Variants in TNFRSF19 observed in about 807,000 individuals in gnomAD.
TNFRSF19 encodes the protein tumor necrosis factor receptor superfamily member 19.
TNFRSF19 carries 27 observed loss-of-function variants against 46.4 expected under a neutral mutation model. The observed-to-expected ratio is 0.58, with a 90% confidence interval of 0.43 to 0.80. The LOEUF is 0.80. Among genes scored for constraint, TNFRSF19 ranks in the 30% least tolerant of loss-of-function variants. TNFRSF19 has a pLI of 0.00. For synonymous variants in TNFRSF19, 204 were observed against 205.0 expected (o/e 1.00, Z 0.04); for missense variants, 511 against 530.8 (o/e 0.96, Z 0.37).
chr13:23,669,362 C>T lies in TNFRSF19; in HGVS notation c.1245+265C>T, dbSNP rs1951715394. On this transcript the variant is annotated intron_variant, in intron 9 of 9. Transcript: ENST00000248484. ...AACCACTTAGCACAGCACCTGCTGC[C>T]TCCTTCCCTGGTTGAGAGAGGTGAG... The T allele has an allele frequency of 3.3e-6, 4 of 1,228,508 alleles. No homozygotes were observed. The South Asian group carries it at 8.7e-5, about 27-fold the overall frequency. The allele number at this position is 1,228,508 out of a possible 1,614,324, so 76.1% of individuals were successfully genotyped here.
Position 23,604,414 on chromosome 13 carries a change from C to T in TNFRSF19, c.180+10959C>T, listed in dbSNP as rs553081235. On this transcript the variant is annotated intron_variant, in intron 3 of 9. Transcript: ENST00000248484. Reference sequence around the variant, plus strand: ...TATGGAGAGGAAGATTCAATATTGTCAAGATGTCAGTGTTTCTCAACTTGA... The same window carrying T: ...TATGGAGAGGAAGATTCAATATTGTTAAGATGTCAGTGTTTCTCAACTTGA... Among the ~76,000 whole-genome samples the T allele has an allele frequency of 1.5e-4, 23 of 152,098 alleles. No homozygotes were observed. The South Asian group carries it at 4.8e-3, about 32-fold the overall frequency.
chr13:23,659,163 A>T lies in TNFRSF19; in HGVS notation c.559A>T (p.Ile187Phe). 6.2e-7 allele frequency: 1 copy of T among 1,614,144 alleles called. No homozygotes were observed. Among genetic ancestry groups the T allele is most frequent in the South Asian group, 1.1e-5 (1 of 91,082 alleles). ...ALATVLLALL[I>F]LCVIYCKRQF... ...GGCCACCGTCCTGCTGGCCCTGCTC[A>T]TCCTCTGTGTCATCTATTGTAAGAG... Residue 187 changes from isoleucine to phenylalanine, a missense_variant, in exon 6 of 10, where the codon ATC becomes TTC. By Grantham distance (21) the Ile-to-Phe change is conservative. Around this residue, in one of 3 missense-constraint regions of TNFRSF19, gnomAD observed 376 missense variants for 372.7 expected, o/e 1.01. Coordinates refer to ENST00000248484, the MANE Select transcript of TNFRSF19 (RefSeq NM_148957.4). This position sits in a 1 kb window ranked among gnomAD's most constrained non-coding sequence, Gnocchi z 4.9.
intron 1 of TNFRSF19, among the ~76,000 whole-genome samples, chr13:23,586,597 G>A (rs1052088100): frequency 1.3e-5 from 2 of 152,232 alleles, no homozygotes; most frequent in African/African-American, 4.8e-5. Context: ...GCTAGCACTG[G>A]TGTTCATGAT....
chr13:23,628,857 A>G (rs1882171505), intron 5 of TNFRSF19, among the ~76,000 whole-genome samples: 1 of 152,196 alleles, frequency 6.6e-6, no homozygotes, highest in African/African-American at 2.4e-5. Flanking sequence ...CTATTTGTCA[A>G]AGTAAAACTT....
chr13:23,584,142 G>A (rs1593230557), intron 1 of TNFRSF19, among the ~76,000 whole-genome samples: 1 of 148,984 alleles, frequency 6.7e-6, no homozygotes, highest in East Asian at 2.0e-4. Flanking sequence ...GAGTTCTTCA[G>A]TGGTGATTTG....
At chr13:23,574,988 T>C (rs1357814397) in intron 1 of TNFRSF19, among the ~76,000 whole-genome samples, 1 of 152,206 alleles carries the variant, frequency 6.6e-6, no homozygotes, top group Non-Finnish European at 1.5e-5. Flanking sequence ...CATAAAACCA[T>C]TCCTTCCAAC....
At chr13:23,584,410 C>A (rs555648954) in intron 1 of TNFRSF19, among the ~76,000 whole-genome samples, 2 of 152,262 alleles carry the variant, frequency 1.3e-5, no homozygotes, top group South Asian at 2.1e-4. Context: ...TTGATTCATT[C>A]CTTTTTATGG....
intron 2 of TNFRSF19, among the ~76,000 whole-genome samples, chr13:23,592,821 G>A (rs1215807913): frequency 6.6e-6 from 1 of 152,194 alleles, no homozygotes; most frequent in Non-Finnish European, 1.5e-5. Context: ...AACGATAATT[G>A]CGAAGTTCTT....
intron 4 of TNFRSF19, among the ~76,000 whole-genome samples, chr13:23,618,876 G>A (rs1439130868): frequency 1.3e-5 from 2 of 152,126 alleles, no homozygotes; most frequent in Non-Finnish European, 1.5e-5. Context: ...TCACAAATAT[G>A]CCCTGATAAA....
chr13:23,613,800 C>A (rs527896315), intron 3 of TNFRSF19, among the ~76,000 whole-genome samples: 2 of 152,332 alleles, frequency 1.3e-5, no homozygotes, highest in East Asian at 3.9e-4. Flanking sequence ...GCTCTCCCAG[C>A]AACCAAAGTG....
intron 1 of TNFRSF19, among the ~76,000 whole-genome samples, chr13:23,587,733 G>T (rs1315187906): frequency 5.9e-5 from 9 of 152,146 alleles, no homozygotes; most frequent in Non-Finnish European, 1.2e-4. Context: ...ACTGGTTCTC[G>T]TATTTGTTTC....
At chr13:23,576,854 A>C (rs964620129) in intron 1 of TNFRSF19, among the ~76,000 whole-genome samples, 1 of 152,202 alleles carries the variant, frequency 6.6e-6, no homozygotes, top group African/African-American at 2.4e-5. Context: ...GTGGAGGGCC[A>C]ACTGTGTTTA....
In TNFRSF19 at chr13:23,669,563, G is replaced by A. The variant is rs951537191; in HGVS notation, c.1245+466G>A. ...TCTTTTCCCTCCTCTCTCCTTGGCT[G>A]TTGTTTTCTGGATCACTCTGCTTTA... On this transcript the variant is annotated intron_variant, in intron 9 of 9. Transcript: ENST00000248484. 5 of 985,224 alleles carry A rather than the reference G, an allele frequency of 5.1e-6. No individual in the cohort carries two copies. In the African/African-American group the frequency reaches 7.0e-5, roughly 14 times the overall value. 61.0% of individuals were successfully genotyped at this position (985,224 alleles called of 1,614,324 possible). A position where few individuals can be genotyped will look rare whatever the true frequency, so the allele number is the denominator to read the frequency against.
At chr13:23,655,188 ACT>A (rs1398834637) in intron 5 of TNFRSF19, among the ~76,000 whole-genome samples, 3 of 152,160 alleles carry the variant, frequency 2.0e-5, no homozygotes, top group African/African-American at 7.2e-5. Context: ...TTTTCCTCAA[ACT>A]TTTTTAATGC....
chr13:23,588,687 G>A (rs1317312120), intron 1 of TNFRSF19, among the ~76,000 whole-genome samples: 2 of 152,142 alleles, frequency 1.3e-5, no homozygotes, highest in Non-Finnish European at 2.9e-5. Context: ...CCTGAAGCAT[G>A]TGCTTCAAAG....
At position 23,668,092 on chromosome 13, in the gene TNFRSF19, T is replaced by C. The variant is rs1026833069; in HGVS notation, c.839+10T>C. On this transcript the variant is annotated intron_variant, in intron 8 of 9. Transcript: ENST00000248484. ...CCAGTCTTCAGGCAAGGTAACTAGG[T>C]GCTTTCAATCAATCATTTCATAACC... 1.4e-5 allele frequency: 23 copies of C among 1,591,576 alleles called. No homozygotes were observed. The highest frequency in any genetic ancestry group is 2.0e-5 in the Non-Finnish European group (23 of 1,169,004).
intron 1 of TNFRSF19, among the ~76,000 whole-genome samples, chr13:23,583,355 A>C (rs924521226): frequency 6.6e-6 from 1 of 152,222 alleles, no homozygotes. Flanking sequence ...AGAAAAAGAA[A>C]ATTAAAGTGG....
intron 4 of TNFRSF19, among the ~76,000 whole-genome samples, chr13:23,624,842 C>G (rs1312942421): frequency 1.3e-5 from 2 of 151,842 alleles, no homozygotes; most frequent in Non-Finnish European, 2.9e-5. Context: ...CCTCTGCCTC[C>G]CAGGTTCATG....
intron 7 of TNFRSF19, among the ~76,000 whole-genome samples, chr13:23,667,585 C>T (rs140700670): frequency 5.9e-5 from 9 of 152,236 alleles, no homozygotes; most frequent in Non-Finnish European, 1.2e-4. Context: ...TAAAATTCAC[C>T]ATCTTAACCA....
Sources: gnomAD v4.1 joint callset for allele counts (sites outside exome capture counted in the v4.1 genomes callset) on GRCh38, gnomAD v4.1.1 for gene constraint, gnomAD v4.1.1 regional missense constraint, Gnocchi (gnomAD v3.1) non-coding constraint, MANE v1.5 for transcripts, NCBI Gene and HGNC (gene_info 2026-07-23, HGNC 2026-07-21) for gene names.